Variants in ERG observed in about 807,000 individuals in gnomAD.
ERG encodes the protein transcriptional regulator ERG.
Under a neutral mutation model 55.3 loss-of-function variants are expected in ERG, and 9 were observed. The ratio of observed to expected loss-of-function variants is 0.16; its 90% CI spans 0.10 to 0.28. The LOEUF (loss-of-function observed/expected upper bound fraction) is 0.28. Among genes scored for constraint, ERG ranks in the 10% least tolerant of loss-of-function variants. The probability of loss-of-function intolerance (pLI) is 1.00; values close to 1 mark genes in which losing one functional copy is unlikely to be tolerated. For synonymous variants in ERG, 223 were observed against 237.3 expected (o/e 0.94, Z 0.55); for missense variants, 434 against 631.6 (o/e 0.69, Z 3.35).
chr21:38,394,642 G>A (rs539001159), intron 6 of ERG, among the ~76,000 whole-genome samples: 5 of 152,234 alleles, frequency 3.3e-5, no homozygotes, highest in South Asian at 2.1e-4. Context: ...GTGAGCCACC[G>A]CGCCTGGCCT....
At chr21:38,421,818 T>G (rs1316361653) in intron 3 of ERG, among the ~76,000 whole-genome samples, 1 of 152,182 alleles carries the variant, frequency 6.6e-6, no homozygotes, top group Non-Finnish European at 1.5e-5. Context: ...TATGTTCCAT[T>G]CAGGGAAGAG....
chr21:38,608,044 A>G (rs571333719), intron 1 of ERG, among the ~76,000 whole-genome samples: 14 of 152,356 alleles, frequency 9.2e-5, no homozygotes, highest in African/African-American at 3.4e-4. Flanking sequence ...AGGAAAAATG[A>G]AAGTCACAAA....
chr21:38,577,864 G>A (rs966492709), intron 1 of ERG, among the ~76,000 whole-genome samples: 1 of 152,152 alleles, frequency 6.6e-6, no homozygotes, highest in Non-Finnish European at 1.5e-5. Flanking sequence ...ACATGCTGAC[G>A]CTCACACCAG....
chr21:38,599,829 T>C (rs1462520920), intron 1 of ERG, among the ~76,000 whole-genome samples: 1 of 152,190 alleles, frequency 6.6e-6, no homozygotes, highest in Non-Finnish European at 1.5e-5. Flanking sequence ...GGCATGAGTT[T>C]GGAGGAAGTA....
At chr21:38,627,062 A>G (rs948905507) in intron 1 of ERG, among the ~76,000 whole-genome samples, 1 of 152,198 alleles carries the variant, frequency 6.6e-6, no homozygotes, top group Non-Finnish European at 1.5e-5. Flanking sequence ...TCAAAACTTG[A>G]GTAGCATTTA....
At position 38,592,571 on chromosome 21, in the gene ERG, C is replaced by CTGTGTGTGTGTGTG. The variant is rs56195027; in HGVS notation, c.-149-7640_-149-7627dup. Among the ~76,000 whole-genome samples, 623 of 148,080 alleles carry CTGTGTGTGTGTGTG rather than the reference C, an allele frequency of 4.2e-3. 1 individual carries two copies. Among genetic ancestry groups the CTGTGTGTGTGTGTG allele is most frequent in the African/African-American group, 0.015 (585 of 40,142 alleles). On this transcript the variant is annotated intron_variant, in intron 1 of 10. Coordinates refer to the ERG transcript ENST00000398910. Reference sequence around the variant, plus strand: ...GGCTGCTTATTGTCATCTCCCTTCACTGTGTGTGTGTGTGTGTGTGTGTGT... The same window carrying CTGTGTGTGTGTGTG: ...GGCTGCTTATTGTCATCTCCCTTCACTGTGTGTGTGTGTGTGTGTGTGTGTGTGTGTGTGTGTGT...
chr21:38,428,015 T>C (rs1601384590), intron 2 of ERG, among the ~76,000 whole-genome samples: 2 of 151,698 alleles, frequency 1.3e-5, no homozygotes, highest in African/African-American at 4.8e-5. Context: ...GAAAAATGTG[T>C]TTACAAAAAA....
intron 2 of ERG, among the ~76,000 whole-genome samples, chr21:38,512,252 T>C (rs1216364380): frequency 2.6e-5 from 4 of 152,012 alleles, no homozygotes; most frequent in African/African-American, 9.7e-5. Flanking sequence ...TAAAAATAAA[T>C]AAACCACCAC....
intron 1 of ERG, among the ~76,000 whole-genome samples, chr21:38,646,176 G>A (rs974920902): frequency 6.6e-6 from 1 of 151,364 alleles, no homozygotes; most frequent in African/African-American, 2.4e-5. Flanking sequence ...ACCTACTTGG[G>A]AGACTGCGGC....
At position 38,479,126 on chromosome 21, in the gene ERG, A is replaced by G. The variant is rs143619581; in HGVS notation, c.18+19237T>C. 2.6e-5 allele frequency among the ~76,000 whole-genome samples: 4 copies of G among 152,380 alleles called. No individual in the cohort carries two copies. The East Asian group carries it at 7.7e-4, about 29-fold the overall frequency. ...TATTTTGACTATTATGCTGGATTTA[A>G]CAATATAATGGTTAATATCCATGCT... On this transcript the variant is annotated intron_variant, in intron 1 of 9. Transcript: ENST00000288319.
chr21:38,489,248 A>G (rs889625022), intron 1 of ERG, among the ~76,000 whole-genome samples: 13 of 152,248 alleles, frequency 8.5e-5, no homozygotes, highest in African/African-American at 3.1e-4. Context: ...TAAAAAATGT[A>G]TACATGTGCT....
intron 2 of ERG, among the ~76,000 whole-genome samples, chr21:38,429,981 G>A (rs1990132006): frequency 6.6e-6 from 1 of 152,080 alleles, no homozygotes; most frequent in African/African-American, 2.4e-5. Flanking sequence ...CATAGTGGTT[G>A]TACTAGTTTC....
At chr21:38,472,872 G>A (rs2059152173) in intron 1 of ERG, among the ~76,000 whole-genome samples, 1 of 152,146 alleles carries the variant, frequency 6.6e-6, no homozygotes, top group African/African-American at 2.4e-5. Context: ...GTGCATGCTG[G>A]GCCTGACTTT....
the ERG span, among the ~76,000 whole-genome samples, chr21:38,370,100 C>T: frequency 3.4e-3 from 521 of 152,080 alleles, 2 homozygotes; most frequent in African/African-American, 0.012. Context: ...CTTGGCTATT[C>T]GGGCTTTTTC....
intron 9 of ERG, among the ~76,000 whole-genome samples, chr21:38,387,738 C>T (rs763311965): frequency 2.6e-5 from 4 of 152,304 alleles, no homozygotes; most frequent in Non-Finnish European, 5.9e-5. Flanking sequence ...AAGCTTGAAA[C>T]GGTGCTATTC....
At chr21:38,540,841 G>A (rs1270530652) in intron 2 of ERG, among the ~76,000 whole-genome samples, 1 of 152,190 alleles carries the variant, frequency 6.6e-6, no homozygotes, top group East Asian at 1.9e-4. Flanking sequence ...GACATTTTGG[G>A]GGTGACAATG....
chr21:38,649,519 G>A (rs990809372), intron 1 of ERG, among the ~76,000 whole-genome samples: 6 of 152,100 alleles, frequency 3.9e-5, no homozygotes, highest in East Asian at 3.9e-4. Context: ...CACTTGCCTC[G>A]CACGTTCTCA....
At chr21:38,396,731 T>C (rs973829996) in intron 6 of ERG, among the ~76,000 whole-genome samples, 3 of 152,084 alleles carry the variant, frequency 2.0e-5, no homozygotes, top group Admixed American at 1.3e-4. Flanking sequence ...TAATAGGGGC[T>C]TGCAAGATTC....
intron 1 of ERG, among the ~76,000 whole-genome samples, chr21:38,473,352 T>C (rs78762153): frequency 0.016 from 2,419 of 152,110 alleles, 38 homozygotes; most frequent in East Asian, 0.082. Flanking sequence ...CTTGTCCAGC[T>C]TTTCATTGCT....
Sources: allele counts gnomAD v4.1 joint callset (sites outside exome capture counted in the v4.1 genomes callset), GRCh38; gene constraint gnomAD v4.1.1; transcripts MANE v1.5; gene names NCBI Gene and HGNC (gene_info 2026-07-23, HGNC 2026-07-21).